CNTNAP5: variants seen among roughly 807,000 people sequenced by gnomAD.
CNTNAP5 encodes contactin-associated protein-like 5.
A neutral mutation model predicts 150.2 loss-of-function variants in CNTNAP5; 72 were observed. The ratio of observed to expected loss-of-function variants is 0.48; its 90% CI spans 0.40 to 0.58. The LOEUF (loss-of-function observed/expected upper bound fraction) is 0.58. Among genes scored for constraint, CNTNAP5 ranks in the 20% least tolerant of loss-of-function variants. The pLI is 0.00. For missense variants in CNTNAP5, 1,636 were observed against 1,626.2 expected (o/e 1.01, Z -0.10); for synonymous variants, 672 against 619.8 (o/e 1.08, Z -1.25).
intron 1 of CNTNAP5, among the ~76,000 whole-genome samples, chr2:124,100,686 C>A (rs1422216123): frequency 2.7e-5 from 4 of 146,130 alleles, no homozygotes; most frequent in Non-Finnish European, 6.1e-5. Context: ...GCCAACATAG[C>A]AAAGCCTCGT....
chr2:124,486,246 A>G (rs1351351431), intron 7 of CNTNAP5, among the ~76,000 whole-genome samples: 1 of 152,154 alleles, frequency 6.6e-6, no homozygotes, highest in Non-Finnish European at 1.5e-5. Flanking sequence ...AGTGGGAGCT[A>G]AGCTATGAGG....
rs1558840011 is a variant in CNTNAP5, at chr2:124,299,744, CAA to C, written c.381+57353_381+57354del. ...TAACTGTTCATGGAAGACAAACTTC[CAA>C]ACTCTCAATGTTGAATGCAGCAATG... On this transcript the variant is annotated intron_variant, in intron 3 of 23. Transcript: ENST00000682447. Among the ~76,000 whole-genome samples, 3 of 152,264 alleles carry C rather than the reference CAA, an allele frequency of 2.0e-5. No homozygotes were observed. The East Asian group carries it at 5.8e-4, about 29-fold the overall frequency.
At chr2:124,070,396 GAAAAAAAA>G (rs70996039) in intron 1 of CNTNAP5, among the ~76,000 whole-genome samples, 10 of 72,968 alleles carry the variant, frequency 1.4e-4, no homozygotes, top group Admixed American at 5.2e-4. Flanking sequence ...GCTGAATGGG[GAAAAAAAA>G]AAAAAAAAAA....
At chr2:124,183,247 T>A (rs1477507095) in intron 1 of CNTNAP5, among the ~76,000 whole-genome samples, 1 of 152,184 alleles carries the variant, frequency 6.6e-6, no homozygotes, top group Non-Finnish European at 1.5e-5. Flanking sequence ...GAATGAAATG[T>A]GTGTCTAAAA....
intron 1 of CNTNAP5, among the ~76,000 whole-genome samples, chr2:124,061,456 G>A (rs1682008413): frequency 6.6e-6 from 1 of 152,158 alleles, no homozygotes; most frequent in Admixed American, 6.6e-5. Flanking sequence ...AGGAAAATGT[G>A]AAGGACATGG....
At chr2:124,259,735 G>C (rs921519454) in intron 3 of CNTNAP5, among the ~76,000 whole-genome samples, 1 of 152,090 alleles carries the variant, frequency 6.6e-6, no homozygotes, top group African/African-American at 2.4e-5. Flanking sequence ...GACAAGCAGA[G>C]AGCCAAATCA....
intron 1 of CNTNAP5, among the ~76,000 whole-genome samples, chr2:124,114,987 T>C (rs1206679061): frequency 6.6e-6 from 1 of 151,986 alleles, no homozygotes; most frequent in Non-Finnish European, 1.5e-5. Context: ...TTAATTACTG[T>C]ATTTAGCTCT....
intron 6 of CNTNAP5, among the ~76,000 whole-genome samples, chr2:124,467,744 C>T (rs186585745): frequency 4.6e-5 from 7 of 152,184 alleles, no homozygotes; most frequent in East Asian, 3.9e-4. Context: ...TTCTCAACTA[C>T]GTAAAACATC....
chr2:124,199,871 T>C (rs570923359), intron 1 of CNTNAP5, among the ~76,000 whole-genome samples: 8 of 152,372 alleles, frequency 5.3e-5, no homozygotes, highest in African/African-American at 1.9e-4. Context: ...ATAATCTCTA[T>C]GTAGATTGTT....
intron 19 of CNTNAP5, among the ~76,000 whole-genome samples, chr2:124,835,280 CT>C (rs1682805818): frequency 2.0e-5 from 3 of 152,058 alleles, no homozygotes; most frequent in African/African-American, 7.2e-5. Context: ...TGCTACTTCC[CT>C]TTTCCCCAAA....
At chr2:124,566,177 G>A (rs1446942792) in intron 11 of CNTNAP5, among the ~76,000 whole-genome samples, 1 of 152,100 alleles carries the variant, frequency 6.6e-6, no homozygotes, top group East Asian at 1.9e-4. Context: ...CGTCAGTGCT[G>A]CTGTAAGAAG....
At chr2:124,882,333 G>T (rs1197198012) in intron 21 of CNTNAP5, among the ~76,000 whole-genome samples, 1 of 152,040 alleles carries the variant, frequency 6.6e-6, no homozygotes, top group Non-Finnish European at 1.5e-5. Context: ...CAGGTGTGCT[G>T]AGATGACAGG....
intron 1 of CNTNAP5, among the ~76,000 whole-genome samples, chr2:124,187,213 T>G (rs1443592459): frequency 6.6e-6 from 1 of 152,224 alleles, no homozygotes. Context: ...ACTAGTCACT[T>G]CATTTCCAAG....
intron 19 of CNTNAP5, among the ~76,000 whole-genome samples, chr2:124,830,165 GACTT>G (rs2104680076): frequency 6.6e-6 from 1 of 151,824 alleles, no homozygotes; most frequent in African/African-American, 2.4e-5. Flanking sequence ...TAATCAAAAA[GACTT>G]AATTTAGAAT....
At chr2:124,226,832 T>G (rs1381555509) in intron 2 of CNTNAP5, among the ~76,000 whole-genome samples, 1 of 152,074 alleles carries the variant, frequency 6.6e-6, no homozygotes, top group Non-Finnish European at 1.5e-5. Flanking sequence ...GCCCAGGGCA[T>G]CACATAGCAA....
chr2:124,731,351 T>G (rs1680266306), intron 13 of CNTNAP5, among the ~76,000 whole-genome samples: 3 of 151,984 alleles, frequency 2.0e-5, no homozygotes. Context: ...TTTTTTCACT[T>G]CTTTTTTTTT....
intron 12 of CNTNAP5, among the ~76,000 whole-genome samples, chr2:124,642,080 G>A (rs1012325915): frequency 6.6e-5 from 10 of 152,250 alleles, no homozygotes; most frequent in African/African-American, 2.2e-4. Flanking sequence ...TATGTAAACT[G>A]TTTACGGCTT....
At chr2:124,367,926 A>G (rs930792842) in intron 3 of CNTNAP5, among the ~76,000 whole-genome samples, 5 of 152,238 alleles carry the variant, frequency 3.3e-5, no homozygotes, top group African/African-American at 1.2e-4. Context: ...GAATCTGAAC[A>G]GATATTTACT....
Position 124,099,721 on chromosome 2 carries a change from C to A in CNTNAP5, c.82+73989C>A, listed in dbSNP as rs148045982. 2.3e-3 allele frequency among the ~76,000 whole-genome samples: 354 copies of A among 152,182 alleles called. 2 individuals are homozygous for A. Among genetic ancestry groups the A allele is most frequent in the African/African-American group, 7.9e-3 (330 of 41,528 alleles). On this transcript the variant is annotated intron_variant, in intron 1 of 23. Transcript: ENST00000682447. ...CTGCTTCCAGTGAGACCTAAGGGAG[C>A]TTTTACTCATGGAGGGAGGCAGAAG...
Sources: gnomAD v4.1 joint callset for allele counts (sites outside exome capture counted in the v4.1 genomes callset) on GRCh38, gnomAD v4.1.1 for gene constraint, MANE v1.5 for transcripts, NCBI Gene and HGNC (gene_info 2026-07-23, HGNC 2026-07-21) for gene names.